FAM161B: variants seen among roughly 807,000 people sequenced by gnomAD.
FAM161B encodes FAM161 centrosomal protein B, also known as protein FAM161B.
A neutral mutation model predicts 61.5 loss-of-function variants in FAM161B; 46 were observed. The ratio of observed to expected loss-of-function variants is 0.75; its 90% CI spans 0.59 to 0.96. FAM161B has a LOEUF of 0.96. Ranked by LOEUF, FAM161B falls within the 40% of genes least tolerant of loss-of-function variation. FAM161B has a pLI of 0.00. For missense variants in FAM161B, 774 were observed against 800.7 expected (o/e 0.97, Z 0.40); for synonymous variants, 284 against 302.7 (o/e 0.94, Z 0.64).
At chr14:73,929,409 T>G (rs2055878900), downstream of FAM161B, among the ~76,000 whole-genome samples, 1 of 152,208 alleles carries the variant, frequency 6.6e-6, no homozygotes, top group African/African-American at 2.4e-5. Context: ...GAAGGCTATT[T>G]GCAACACATG....
At chr14:73,931,414 A>C (rs1594772814), downstream of FAM161B, 1 of 1,178,510 alleles carries the variant, frequency 8.5e-7, no homozygotes, top group East Asian at 2.6e-5. Context: ...TGCATTCTCC[A>C]TCCTCCACTC....
intron 8 of FAM161B, among the ~76,000 whole-genome samples, chr14:73,935,348 A>C (rs777419579): frequency 7.9e-5 from 12 of 152,082 alleles, no homozygotes; most frequent in Non-Finnish European, 1.8e-4. Context: ...TAACATGGTG[A>C]AACCCCGTCT....
rs768918537 is a variant in FAM161B at position 73,944,877 on chromosome 14, G to T, written c.383C>A (p.Ser128Tyr). 1.3e-6 allele frequency: 2 copies of T among 1,512,952 alleles called. No homozygotes were observed. The highest frequency in any genetic ancestry group is 2.8e-5 in the African/African-American group (2 of 71,722). 93.7% of individuals were successfully genotyped at this position (1,512,952 alleles called of 1,614,324 possible). ...GTTCAGGGAGCTGCAGCGCCTTGTG[G>T]AGCCACACCTGGGAAAAAAGCAGAT... ...VQCPQALRCGSTRRCSSLNNL... is the reference protein window; with the variant it reads ...VQCPQALRCGYTRRCSSLNNL... Residue 128 changes from serine to tyrosine, a missense_variant, in exon 3 of 9, where the codon TCC (serine) becomes TAC (tyrosine). Physicochemically the swap from Ser to Tyr is moderately radical, Grantham distance 144. Transcript: ENST00000286544.
chr14:73,927,720 C>G (rs2055853628), downstream of FAM161B: 1 of 152,064 alleles, frequency 6.6e-6, no homozygotes, highest in Non-Finnish European at 1.5e-5. Context: ...ATAGTCTCTG[C>G]CTCAAATAGC....
chr14:73,949,249 T>C (rs565870804), intron 1 of FAM161B, among the ~76,000 whole-genome samples: 100 of 152,320 alleles, frequency 6.6e-4, no homozygotes, highest in African/African-American at 2.4e-3. Context: ...ATTACAGGCA[T>C]GTGCCACCAC....
At chr14:73,936,187 C>T in intron 7 of FAM161B, 99 bp from the exon 8 acceptor site, 2 of 1,321,602 alleles carry the variant, frequency 1.5e-6, no homozygotes, top group Non-Finnish European at 2.0e-6. Context: ...ACAACCACCA[C>T]CACCCTTATT....
chr14:73,928,301 G>A (rs1334544214), downstream of FAM161B, among the ~76,000 whole-genome samples: 6 of 152,106 alleles, frequency 3.9e-5, no homozygotes, highest in Admixed American at 3.9e-4. Context: ...TGTGTACAAA[G>A]GTAGAAGGTA....
Position 73,933,968 on chromosome 14 carries a change from C to T in FAM161B, c.*288G>A, listed in dbSNP as rs182002722. ...TCCCAAGTAGCTAGGATTACAGGCA[C>T]GTGTCATCACGCCCAGCTAATTTTT... On this transcript the variant is annotated 3_prime_UTR_variant, in exon 9 of 9. Coordinates refer to ENST00000286544, the MANE Select transcript of FAM161B (RefSeq NM_152445.3). The T allele has an allele frequency of 3.7e-4, 97 of 261,430 alleles. No individual in the cohort carries two copies. The highest frequency in any genetic ancestry group is 2.0e-3 in the African/African-American group (87 of 44,034). The allele number at this position is 261,430 out of a possible 1,614,324, so 16.2% of individuals were successfully genotyped here.
intron 8 of FAM161B, 107 bp downstream of exon 8, chr14:73,935,842 G>T: frequency 7.9e-7 from 1 of 1,267,542 alleles, no homozygotes. Flanking sequence ...ATAAATACAG[G>T]ATTATGATCT....
downstream of FAM161B, among the ~76,000 whole-genome samples, chr14:73,930,846 C>T (rs1484820229): frequency 2.0e-5 from 3 of 152,178 alleles, no homozygotes; most frequent in Admixed American, 2.0e-4. Flanking sequence ...AGCAGTTCTC[C>T]TGCCTCAGCC....
chr14:73,946,207 A>G, intron 2 of FAM161B, 79 bp downstream of exon 2: 2 of 1,417,694 alleles, frequency 1.4e-6, no homozygotes, highest in East Asian at 2.3e-5. Context: ...TGCTTTACAG[A>G]GGAAGATGAA....
chr14:73,935,905 G>A, intron 8 of FAM161B, 44 bp downstream of exon 8: 1 of 1,581,278 alleles, frequency 6.3e-7, no homozygotes, highest in Non-Finnish European at 8.6e-7. Context: ...TACTGGGTAT[G>A]ACAATTTAGA....
chr14:73,946,743 A>C, intron 1 of FAM161B, 138 bp from the exon 2 acceptor site: 1 of 819,902 alleles, frequency 1.2e-6, no homozygotes, highest in Non-Finnish European at 1.9e-6. Context: ...GCACTGGCTC[A>C]CACCTGTAAT....
chr14:73,950,091 C>T lies in FAM161B; in HGVS notation c.-65G>A. On this transcript the variant is annotated 5_prime_UTR_variant, in exon 1 of 9. Coordinates refer to ENST00000286544, the MANE Select transcript of FAM161B (RefSeq NM_152445.3). ...GTGGCAGCAGCGGTGGCAGCGAGAG[C>T]TATGCGGGGCCAGGGTCCACCCCTT... The T allele has an allele frequency of 6.2e-7, 1 of 1,605,080 alleles. No homozygotes were observed. The highest frequency in any genetic ancestry group is 8.5e-7 in the Non-Finnish European group (1 of 1,179,944).
rs908465918 is a variant in FAM161B, at chr14:73,932,513, A to G, written c.*1743T>C. ...TGGCAATAAAAACAGATACTTCTGA[A>G]TTTTTCCACAAAGATAGTTTTTTTA... is the stretch of plus-strand genomic sequence containing the variant. On this transcript the variant is annotated 3_prime_UTR_variant, in exon 9 of 9. Transcript: ENST00000286544. 1 of 445,130 alleles carries G rather than the reference A, an allele frequency of 2.2e-6. No individual in the cohort carries two copies. Among genetic ancestry groups the G allele is most frequent in the Non-Finnish European group, 4.5e-6 (1 of 224,014 alleles). 27.6% of individuals were successfully genotyped at this position (445,130 alleles called of 1,614,324 possible).
chr14:73,946,129 C>T (rs1430169654), intron 2 of FAM161B, among the ~76,000 whole-genome samples, 157 bp downstream of exon 2: 5 of 152,190 alleles, frequency 3.3e-5, no homozygotes, highest in African/African-American at 9.7e-5. Context: ...AATCAGAACA[C>T]CTGTTTGGAA....
At chr14:73,934,946 C>A (rs1470334630) in intron 8 of FAM161B, among the ~76,000 whole-genome samples, 1 of 151,866 alleles carries the variant, frequency 6.6e-6, no homozygotes, top group African/African-American at 2.4e-5. Context: ...ACTCAGGAGG[C>A]TGAAGCAGGA....
At chr14:73,939,581 A>G (rs755382976) in intron 5 of FAM161B, among the ~76,000 whole-genome samples, 1 of 152,200 alleles carries the variant, frequency 6.6e-6, no homozygotes, top group African/African-American at 2.4e-5. Context: ...CTGACTCCGA[A>G]GCCTCTGGCC....
chr14:73,931,756 T>A, downstream of FAM161B: 1 of 561,290 alleles, frequency 1.8e-6, no homozygotes. Context: ...AAGCAATGAC[T>A]GTGGGCTGGG....
Sources: allele counts gnomAD v4.1 joint callset (sites outside exome capture counted in the v4.1 genomes callset), GRCh38; gene constraint gnomAD v4.1.1; transcripts MANE v1.5; gene names NCBI Gene and HGNC (gene_info 2026-07-23, HGNC 2026-07-21).